RTN3: variants seen among roughly 807,000 people sequenced by gnomAD.
RTN3 encodes reticulon 3.
In RTN3, 49 loss-of-function variants were observed where a neutral mutation model predicts 77.8. The observed-to-expected ratio is 0.63, with a 90% confidence interval of 0.50 to 0.80. The LOEUF (loss-of-function observed/expected upper bound fraction) is 0.80, where lower values mean the gene tolerates loss of function less well. RTN3 is among the 30% of genes least tolerant of loss of function. The pLI is 0.00. For synonymous variants in RTN3, 464 were observed against 446.9 expected, an observed-to-expected ratio of 1.04 and a Z score of -0.48; for missense variants, 1,236 against 1,211.9, an observed-to-expected ratio of 1.02 and a Z score of -0.29.
chr11:63,756,621 A>C (rs547447597), intron 8 of RTN3, among the ~76,000 whole-genome samples: 1 of 152,288 alleles, frequency 6.6e-6, no homozygotes, highest in East Asian at 1.9e-4. Flanking sequence ...AATTTTTTGG[A>C]GACAGGGTCT....
At chr11:63,747,371 GTATTC>G (rs1284072765) in intron 3 of RTN3, among the ~76,000 whole-genome samples, 1 of 152,220 alleles carries the variant, frequency 6.6e-6, no homozygotes, top group African/African-American at 2.4e-5. Context: ...TAAGTAGGCA[GTATTC>G]TATTAAGTTC....
At chr11:63,753,629 A>G (rs1381587054) in intron 6 of RTN3, 33 bp from the exon 7 acceptor site, 2 of 1,601,854 alleles carry the variant, frequency 1.2e-6, no homozygotes, top group Non-Finnish European at 1.7e-6. Flanking sequence ...TCTCTCATAT[A>G]CACTTGCCAT....
Position 63,719,204 on chromosome 11 carries a change from A to G in RTN3, c.702A>G (p.Ser234=). The part of the protein sequence containing the change: ...YTYSLSPSKV[S]GDDVIEKDSP... The stretch of plus-strand genomic sequence containing the variant: ...ATTCTTTGTCTCCATCCAAAGTTTC[A>G]GGAGATGATGTTATTGAAAAGGATT... The change falls in exon 3 of 9, where the codon TCA becomes TCG. Residue 234 remains serine, a synonymous_variant. Coordinates refer to ENST00000377819, the MANE Select transcript of RTN3 (RefSeq NM_001265589.2). 1 of 1,614,192 alleles carries G rather than the reference A, an allele frequency of 6.2e-7. No homozygotes were observed. The highest frequency in any genetic ancestry group is 8.5e-7 in the Non-Finnish European group (1 of 1,180,018).
In RTN3 at chr11:63,719,231, C is replaced by T; in HGVS notation, c.729C>T (p.Ser243=). ...GAGATGATGTTATTGAAAAGGATTC[C>T]CCTGAATCACCATTTGAAGTAATTA... ...VSGDDVIEKD[S]PESPFEVIID... Residue 243 remains serine (S), a synonymous_variant, in exon 3 of 9, where the codon TCC becomes TCT. Coordinates refer to ENST00000377819, the MANE Select transcript of RTN3 (RefSeq NM_001265589.2). 6.2e-7 allele frequency: 1 copy of T among 1,614,036 alleles called. No homozygotes were observed. The highest frequency in any genetic ancestry group is 8.5e-7 in the Non-Finnish European group (1 of 1,179,986).
chr11:63,757,432 A>C (rs1045904689), intron 8 of RTN3, among the ~76,000 whole-genome samples: 4 of 151,974 alleles, frequency 2.6e-5, no homozygotes, highest in Non-Finnish European at 5.9e-5. Context: ...AGCTCACTGC[A>C]GCCTTGACCT....
chr11:63,699,571 C>G (rs1020387047), intron 1 of RTN3, among the ~76,000 whole-genome samples: 2 of 152,122 alleles, frequency 1.3e-5, no homozygotes, highest in African/African-American at 4.8e-5. Context: ...TATTGTCACA[C>G]CCTTACTTAA....
At chr11:63,709,789 C>T (rs1205977123) in intron 2 of RTN3, among the ~76,000 whole-genome samples, 1 of 151,972 alleles carries the variant, frequency 6.6e-6, no homozygotes, top group African/African-American at 2.4e-5. Context: ...ATATTTCAAA[C>T]CTCCCTCAAA....
chr11:63,740,832 G>T (rs1026662931), intron 3 of RTN3, among the ~76,000 whole-genome samples: 3 of 152,144 alleles, frequency 2.0e-5, no homozygotes, highest in African/African-American at 7.2e-5. Flanking sequence ...TGTAGCAGAG[G>T]TTGGCAGTCA....
At chr11:63,721,436 G>A (rs1010475719) in intron 3 of RTN3, among the ~76,000 whole-genome samples, 5 of 152,022 alleles carry the variant, frequency 3.3e-5, no homozygotes, top group African/African-American at 1.2e-4. Context: ...TTAGCTGGAC[G>A]TGGTGGCGGG....
intron 3 of RTN3, among the ~76,000 whole-genome samples, chr11:63,723,416 CTT>C (rs747766171): frequency 7.3e-5 from 10 of 136,216 alleles, no homozygotes; most frequent in African/African-American, 1.1e-4. Flanking sequence ...ATTTATTTAT[CTT>C]TTTTTTTTTT....
At chr11:63,748,312 A>G (rs1242392593) in intron 3 of RTN3, among the ~76,000 whole-genome samples, 1 of 150,074 alleles carries the variant, frequency 6.7e-6, no homozygotes, top group East Asian at 1.9e-4. Context: ...CTTCTACTTA[A>G]ACTCATTTCC....
At chr11:63,752,169 TAAAA>T (rs11297692) in intron 4 of RTN3, among the ~76,000 whole-genome samples, 1 of 134,158 alleles carries the variant, frequency 7.5e-6, no homozygotes. Context: ...TTAAAACTGC[TAAAA>T]AAAAAAAAAA....
At chr11:63,716,396 A>T (rs2011399424) in intron 2 of RTN3, among the ~76,000 whole-genome samples, 1 of 152,198 alleles carries the variant, frequency 6.6e-6, no homozygotes, top group Non-Finnish European at 1.5e-5. Context: ...TTTCCCAGTT[A>T]CTCATTCATG....
chr11:63,712,588 C>T lies in RTN3; in HGVS notation c.200-6114C>T, dbSNP rs480271. On this transcript the variant is annotated intron_variant, in intron 2 of 8. Transcript: ENST00000377819. ...GCAATTTCCACCTCCTGGGTTCAAGCGATTCTCCTGCCTCAGTCTCCCGAG... is the reference window on the plus strand; with the variant it reads ...GCAATTTCCACCTCCTGGGTTCAAGTGATTCTCCTGCCTCAGTCTCCCGAG... Among the ~76,000 whole-genome samples, 992 of 150,046 alleles carry T rather than the reference C, an allele frequency of 6.6e-3. 11 individuals carry two copies. The highest frequency in any genetic ancestry group is 0.023 in the African/African-American group (937 of 40,678).
At position 63,687,815 on chromosome 11, in the gene RTN3, A is replaced by G. The variant is rs565265360; in HGVS notation, c.142+6037A>G. 8.5e-5 allele frequency among the ~76,000 whole-genome samples: 13 copies of G among 152,334 alleles called. No homozygotes were observed. The South Asian group carries it at 1.9e-3, about 22-fold the overall frequency. ...TTTGTAGGTTACAAACTACTTGCAC[A>G]TATTAATAGATACCACATAGCAGTT... is the stretch of plus-strand genomic sequence containing the variant. On this transcript the variant is annotated intron_variant, in intron 1 of 8. Transcript: ENST00000377819.
intron 1 of RTN3, among the ~76,000 whole-genome samples, chr11:63,699,307 A>G (rs75815152): frequency 1.4e-5 from 2 of 147,712 alleles, no homozygotes; most frequent in Non-Finnish European, 3.0e-5. Flanking sequence ...CTCCTTCTCA[A>G]AAAAAAAAAA....
intron 5 of RTN3, 56 bp from the exon 6 acceptor site, chr11:63,753,013 A>C (rs1205298950): frequency 5.4e-6 from 8 of 1,469,456 alleles, no homozygotes; most frequent in Non-Finnish European, 7.6e-6. Context: ...GACATCAGTT[A>C]ATGTGAATTT....
At chr11:63,701,091 A>AC (rs2134705835) in intron 1 of RTN3, among the ~76,000 whole-genome samples, 1 of 148,160 alleles carries the variant, frequency 6.7e-6, no homozygotes, top group East Asian at 1.9e-4. Flanking sequence ...TCCTTCTCAA[A>AC]AAAAAAAAAA....
intron 2 of RTN3, among the ~76,000 whole-genome samples, 186 bp from the exon 3 acceptor site, chr11:63,718,516 T>TTTTA (rs1386827154): frequency 6.6e-6 from 1 of 152,176 alleles, no homozygotes; most frequent in African/African-American, 2.4e-5. Context: ...CTGTTGGCAG[T>TTTTA]TTTATGCATG....
Sources: gnomAD v4.1 joint callset for allele counts (sites outside exome capture counted in the v4.1 genomes callset) on GRCh38, gnomAD v4.1.1 for gene constraint, MANE v1.5 for transcripts, NCBI Gene and HGNC (gene_info 2026-07-23, HGNC 2026-07-21) for gene names.